ANKRD46: variants seen among roughly 807,000 people sequenced by gnomAD.
The protein encoded by ANKRD46 is ankyrin repeat domain-containing protein 46.
A neutral mutation model predicts 19.8 loss-of-function variants in ANKRD46; 13 were observed. The observed-to-expected ratio is 0.66, with a 90% CI of 0.43 to 1.04. The LOEUF (loss-of-function observed/expected upper bound fraction) is 1.04. Among genes scored for constraint, ANKRD46 ranks in the 50% least tolerant of loss-of-function variants. ANKRD46 has a pLI of 0.00. For synonymous variants in ANKRD46, 91 were observed against 106.9 expected (o/e 0.85, Z 0.92); for missense variants, 185 against 274.8 (o/e 0.67, Z 2.31).
intron 4 of ANKRD46, among the ~76,000 whole-genome samples, chr8:100,526,207 A>G (rs1428776696): frequency 6.6e-6 from 1 of 152,206 alleles, no homozygotes; most frequent in East Asian, 1.9e-4. Context: ...CATCCAATGG[A>G]ATATTATTTT....
Position 100,534,049 on chromosome 8 carries a change from A to G in ANKRD46, c.-130-738T>C, listed in dbSNP as rs1812015650. On this transcript the variant is annotated intron_variant, in intron 1 of 4. Coordinates refer to ENST00000335659, the MANE Select transcript of ANKRD46 (RefSeq NM_001270377.2). This position sits in a 1 kb window ranked among gnomAD's most constrained non-coding sequence, Gnocchi z 4.2. Reference sequence around the variant, plus strand: ...GGCAGTAAGGACCACAAAAATAGCAATATTAGTTCATGAAACAAACATTCA... The same window carrying G: ...GGCAGTAAGGACCACAAAAATAGCAGTATTAGTTCATGAAACAAACATTCA... Among the ~76,000 whole-genome samples the G allele has an allele frequency of 1.3e-5, 2 of 152,224 alleles. No individual in the cohort carries two copies. Among genetic ancestry groups the G allele is most frequent in the African/African-American group, 4.8e-5 (2 of 41,456 alleles).
At chr8:100,552,342 G>A (rs1812411021) in intron 1 of ANKRD46, among the ~76,000 whole-genome samples, 2 of 149,942 alleles carry the variant, frequency 1.3e-5, no homozygotes, top group South Asian at 4.2e-4. Context: ...ACTCTATAGA[G>A]ATGGTTATCC....
intron 1 of ANKRD46, among the ~76,000 whole-genome samples, chr8:100,552,021 G>C (rs1317923559): frequency 1.3e-5 from 2 of 151,938 alleles, no homozygotes; most frequent in Non-Finnish European, 2.9e-5. Flanking sequence ...GTGGTGGTGT[G>C]CACCTGTAGT....
At position 100,546,134 on chromosome 8, in the gene ANKRD46, A is replaced by T. The variant is rs140640661; in HGVS notation, c.-130-12823T>A. Among the ~76,000 whole-genome samples, 10 of 152,368 alleles carry T rather than the reference A, an allele frequency of 6.6e-5. No homozygotes were observed. The highest frequency in any genetic ancestry group is 2.4e-4 in the African/African-American group (10 of 41,592). ...GAAAAGAAAACCCCATTTTCTGGGGAGAAACTCAAGCATGCTACAGAAATT... is the reference window on the plus strand; with the variant it reads ...GAAAAGAAAACCCCATTTTCTGGGGTGAAACTCAAGCATGCTACAGAAATT... On this transcript the variant is annotated intron_variant, in intron 1 of 4. Coordinates refer to ENST00000335659, the MANE Select transcript of ANKRD46 (RefSeq NM_001270377.2). This position sits in a 1 kb window ranked among gnomAD's most constrained non-coding sequence, Gnocchi z 4.0.
intron 1 of ANKRD46, 59 bp from the exon 2 acceptor site, chr8:100,533,370 T>C (rs904965854): frequency 6.6e-6 from 1 of 152,330 alleles, no homozygotes; most frequent in Admixed American, 6.5e-5. Flanking sequence ...GAACTCACTG[T>C]TCTATTAAAT....
At chr8:100,530,571 G>A (rs939384619) in intron 2 of ANKRD46, among the ~76,000 whole-genome samples, 1 of 152,092 alleles carries the variant, frequency 6.6e-6, no homozygotes, top group Non-Finnish European at 1.5e-5. Flanking sequence ...TTTTAGTAGA[G>A]ACGGGGTTTC....
rs574760557 is a variant in ANKRD46, at chr8:100,524,834, A to G, written c.471-2063T>C. 1.3e-5 allele frequency among the ~76,000 whole-genome samples: 2 copies of G among 152,350 alleles called. No homozygotes were observed. The highest frequency in any genetic ancestry group is 2.4e-5 in the African/African-American group (1 of 41,582). On this transcript the variant is annotated intron_variant, in intron 4 of 4. Transcript: ENST00000335659. This position sits in a 1 kb window ranked among gnomAD's most constrained non-coding sequence, Gnocchi z 4.3. ...GGATATTCTATAAAGACTTTATCCAATGAAATGCTTTCTACTGTCCAGGGA... is the reference window on the plus strand; with the variant it reads ...GGATATTCTATAAAGACTTTATCCAGTGAAATGCTTTCTACTGTCCAGGGA...
Position 100,510,586 on chromosome 8 carries a change from C to T in ANKRD46, c.690G>A (p.Gln230=). Residue 230 remains glutamine, a synonymous_variant, in exon 6 of 6, where the codon CAG becomes CAA. Coordinates refer to the ANKRD46 transcript ENST00000520552. The surrounding 1 kb of genome is among the most constrained non-coding windows in gnomAD (Gnocchi z 4.9). ...GACACTGACCTAGAGATTAGATGGC[C>T]TGGATTCGGCTTCTGTCTTGCCTTG... 1.3e-6 allele frequency: 2 copies of T among 1,535,616 alleles called. No homozygotes were observed. The highest frequency in any genetic ancestry group is 1.7e-6 in the Non-Finnish European group (2 of 1,146,682).
intron 5 of ANKRD46, among the ~76,000 whole-genome samples, chr8:100,512,285 C>A (rs867707156): frequency 3.3e-5 from 5 of 152,286 alleles, no homozygotes; most frequent in Non-Finnish European, 5.9e-5. Flanking sequence ...CAGCTGCTTA[C>A]CTTCAAGCCT....
intron 1 of ANKRD46, among the ~76,000 whole-genome samples, chr8:100,533,790 T>C (rs1053087197): frequency 2.0e-5 from 3 of 152,234 alleles, no homozygotes; most frequent in African/African-American, 7.2e-5. Context: ...TAAGAAAAAG[T>C]ATTTCTAATC....
At chr8:100,516,914 C>T (rs985146328), downstream of ANKRD46, among the ~76,000 whole-genome samples, 3 of 152,162 alleles carry the variant, frequency 2.0e-5, no homozygotes, top group Non-Finnish European at 4.4e-5. Flanking sequence ...TGCATCACAA[C>T]TAAGTAGACA....
intron 1 of ANKRD46, among the ~76,000 whole-genome samples, chr8:100,535,961 G>A (rs1411595754): frequency 6.6e-6 from 1 of 151,960 alleles, no homozygotes; most frequent in Non-Finnish European, 1.5e-5. Flanking sequence ...CTAAAAGACT[G>A]TTGAGCATGA....
rs1811999621 is a variant in ANKRD46 at position 100,533,204 on chromosome 8, C to T, written c.-28+5G>A. The T allele has an allele frequency of 1.3e-5, 2 of 152,354 alleles. No homozygotes were observed. The highest frequency in any genetic ancestry group is 2.1e-4 in the South Asian group (1 of 4,830). 9.4% of individuals were successfully genotyped at this position (152,354 alleles called of 1,614,324 possible). ...GTGAGGAAGTCCACAGTAGTAAATA[C>T]TCACGTAAGCCTTAAGATTAGATCT... On this transcript the variant is annotated splice_donor_5th_base_variant and intron_variant, in intron 2 of 4. Transcript: ENST00000335659.
chr8:100,526,690 G>A (rs2130651154), intron 4 of ANKRD46, among the ~76,000 whole-genome samples: 1 of 152,286 alleles, frequency 6.6e-6, no homozygotes, highest in East Asian at 1.9e-4. Context: ...CTAAGCTTGA[G>A]AGTGGAATTA....
At chr8:100,553,231 C>T (rs1339469183) in intron 1 of ANKRD46, among the ~76,000 whole-genome samples, 2 of 152,076 alleles carry the variant, frequency 1.3e-5, no homozygotes, top group Admixed American at 1.3e-4. Flanking sequence ...ATAAGCAATC[C>T]ACAGTTTTTG....
Position 100,542,871 on chromosome 8 carries a change from T to C in ANKRD46, c.-130-9560A>G, listed in dbSNP as rs1812201003. On this transcript the variant is annotated intron_variant, in intron 1 of 4. Coordinates refer to ENST00000335659, the MANE Select transcript of ANKRD46 (RefSeq NM_001270377.2). Reference sequence around the variant, plus strand: ...GAGCTCAATCACCAGTCCTGATAACTCCTTCAGCAGAGTAATTTCAAGCAT... The same window carrying C: ...GAGCTCAATCACCAGTCCTGATAACCCCTTCAGCAGAGTAATTTCAAGCAT... Among the ~76,000 whole-genome samples the C allele has an allele frequency of 3.3e-5, 5 of 152,134 alleles. No homozygotes were observed. In the South Asian group the frequency reaches 1.0e-3, roughly 32 times the overall value.
At chr8:100,528,140 C>T in intron 3 of ANKRD46, 137 bp from the exon 4 acceptor site, 1 of 960,412 alleles carries the variant, frequency 1.0e-6, no homozygotes, top group Non-Finnish European at 1.4e-6. Context: ...TTAGGGCCTA[C>T]CCTAGGGCTG....
At position 100,521,657 on chromosome 8, in the gene ANKRD46, T is replaced by G; in HGVS notation, c.*898A>C. The stretch of plus-strand genomic sequence containing the variant: ...GATTGCACATGAAATAATTATGAAC[T>G]ATGATAAAACTGTGACAACACAGCT... On this transcript the variant is annotated 3_prime_UTR_variant, in exon 5 of 5. Transcript: ENST00000335659. 1 of 985,418 alleles carries G rather than the reference T, an allele frequency of 1.0e-6. No homozygotes were observed. The highest frequency in any genetic ancestry group is 1.7e-5 in the African/African-American group (1 of 57,370). The allele number at this position is 985,418 out of a possible 1,614,324, so 61.0% of individuals were successfully genotyped here.
rs1253716320 is a variant in ANKRD46 at position 100,543,894 on chromosome 8, C to T, written c.-130-10583G>A. ...CAAATAGTGTCCTTTCATACCATGTCTCTCTGGCCCAAATTTTTCTTTTTA... is the reference window on the plus strand; with the variant it reads ...CAAATAGTGTCCTTTCATACCATGTTTCTCTGGCCCAAATTTTTCTTTTTA... On this transcript the variant is annotated intron_variant, in intron 1 of 4. Coordinates refer to ENST00000335659, the MANE Select transcript of ANKRD46 (RefSeq NM_001270377.2). The surrounding 1 kb of genome is among the most constrained non-coding windows in gnomAD (Gnocchi z 4.2). Among the ~76,000 whole-genome samples, 5 of 151,858 alleles carry T rather than the reference C, an allele frequency of 3.3e-5. No individual in the cohort carries two copies. Among genetic ancestry groups the T allele is most frequent in the Non-Finnish European group, 7.4e-5 (5 of 67,968 alleles).
Sources: gnomAD v4.1 joint callset for allele counts (sites outside exome capture counted in the v4.1 genomes callset) on GRCh38, gnomAD v4.1.1 for gene constraint, Gnocchi (gnomAD v3.1) non-coding constraint, MANE v1.5 for transcripts, NCBI Gene and HGNC (gene_info 2026-07-23, HGNC 2026-07-21) for gene names.